COL27A1: variants seen among roughly 807,000 people sequenced by gnomAD.
COL27A1 encodes collagen type XXVII alpha 1 chain.
A neutral mutation model predicts 251.3 loss-of-function variants in COL27A1; 106 were observed. The ratio of observed to expected loss-of-function variants is 0.42; its 90% CI spans 0.36 to 0.50. The LOEUF (loss-of-function observed/expected upper bound fraction) is 0.50, where lower values mean the gene tolerates loss of function less well. Among genes scored for constraint, COL27A1 ranks in the 20% least tolerant of loss-of-function variants. COL27A1 has a pLI of 0.00. For synonymous variants in COL27A1, 1,000 were observed against 986.3 expected, an observed-to-expected ratio of 1.01 and a Z score of -0.26; for missense variants, 2,325 against 2,522.8, an observed-to-expected ratio of 0.92 and a Z score of 1.68.
At chr9:114,231,958 A>T in intron 16 of COL27A1, 92 bp downstream of exon 16, 2 of 1,167,976 alleles carry the variant, frequency 1.7e-6, no homozygotes, top group Non-Finnish European at 2.6e-6. Context: ...CGCCAGGTCC[A>T]CTCCCCTGCA....
At chr9:114,207,417 A>G (rs915916142) in intron 10 of COL27A1, among the ~76,000 whole-genome samples, 2 of 152,144 alleles carry the variant, frequency 1.3e-5, no homozygotes, top group African/African-American at 4.8e-5. Context: ...CCCATGGGCC[A>G]TTCCCCCAGA....
chr9:114,239,579 A>C (rs760484870), intron 19 of COL27A1, among the ~76,000 whole-genome samples: 3 of 152,176 alleles, frequency 2.0e-5, no homozygotes, highest in Non-Finnish European at 2.9e-5. Flanking sequence ...AAGGAGGAGC[A>C]CGAGGATATT....
chr9:114,274,028 G>C (rs895760481), intron 36 of COL27A1: 2 of 152,092 alleles, frequency 1.3e-5, no homozygotes, highest in African/African-American at 4.8e-5. Context: ...GATCATCTGA[G>C]GTCAGGAGTT....
At chr9:114,190,178 A>T (rs994559736) in intron 5 of COL27A1, among the ~76,000 whole-genome samples, 1 of 152,204 alleles carries the variant, frequency 6.6e-6, no homozygotes, top group Non-Finnish European at 1.5e-5. Context: ...GAAACATTTT[A>T]TGTTGACTTC....
At chr9:114,275,506 C>T (rs933656920) in intron 36 of COL27A1, among the ~76,000 whole-genome samples, 155 bp from the exon 37 acceptor site, 2 of 152,176 alleles carry the variant, frequency 1.3e-5, no homozygotes, top group Admixed American at 6.5e-5. Context: ...CGAGTCACAG[C>T]ACCCTGCCTT....
At chr9:114,201,035 G>A (rs952766652) in intron 7 of COL27A1, among the ~76,000 whole-genome samples, 2 of 152,230 alleles carry the variant, frequency 1.3e-5, no homozygotes, top group East Asian at 1.9e-4. Flanking sequence ...CCAGCCAGAC[G>A]GGGAGACGGT....
At chr9:114,192,856 A>G (rs1039589087) in intron 5 of COL27A1, among the ~76,000 whole-genome samples, 7 of 152,194 alleles carry the variant, frequency 4.6e-5, no homozygotes, top group Non-Finnish European at 7.3e-5. Context: ...GTGGAGGGTG[A>G]CCGAGTCAGG....
intron 2 of COL27A1, among the ~76,000 whole-genome samples, chr9:114,165,064 C>G (rs181065805): frequency 6.2e-4 from 95 of 152,288 alleles, no homozygotes; most frequent in African/African-American, 2.1e-3. Context: ...CAATGTGGGG[C>G]TTGGGTGAAG....
At chr9:114,172,221 C>A (rs2808779) in intron 3 of COL27A1, among the ~76,000 whole-genome samples, 1 of 152,036 alleles carries the variant, frequency 6.6e-6, no homozygotes, top group Non-Finnish European at 1.5e-5. Context: ...CATCTTTGAA[C>A]GGTGATGAAA....
At chr9:114,239,693 G>A (rs1281088734) in intron 19 of COL27A1, among the ~76,000 whole-genome samples, 1 of 152,204 alleles carries the variant, frequency 6.6e-6, no homozygotes, top group Admixed American at 6.5e-5. Flanking sequence ...CCCATGGGTG[G>A]AGTGGGGCAG....
chr9:114,290,150 G>GCCCCCCCCCCCCCCCCC lies in COL27A1; in HGVS notation c.4260+42_4260+43insCCCCCCCCCCCCCCCCC. ...GCTGCTGTTTCCAGCCAACCTCCCT[G>GCCCCCCCCCCCCCCCCC]CCCGCCCCCCACACCCGCCCTCCTC... On this transcript the variant is annotated intron_variant, in intron 46 of 60. Coordinates refer to ENST00000356083, the MANE Select transcript of COL27A1 (RefSeq NM_032888.4). This position sits in a 1 kb window ranked among gnomAD's most constrained non-coding sequence, Gnocchi z 4.6. The GCCCCCCCCCCCCCCCCC allele has an allele frequency of 6.3e-7, 1 of 1,593,512 alleles. No homozygotes were observed. Among genetic ancestry groups the GCCCCCCCCCCCCCCCCC allele is most frequent in the East Asian group, 2.3e-5 (1 of 44,424 alleles).
At chr9:114,289,343 G>A (rs1478789103) in intron 45 of COL27A1, 48 bp downstream of exon 45, 20 of 1,518,552 alleles carry the variant, frequency 1.3e-5, no homozygotes, top group Non-Finnish European at 1.6e-5. Flanking sequence ...CAGGAAGGGG[G>A]AAGCCTGACC....
intron 13 of COL27A1, among the ~76,000 whole-genome samples, chr9:114,220,067 G>A (rs1331681214): frequency 6.6e-6 from 1 of 152,156 alleles, no homozygotes; most frequent in Admixed American, 6.5e-5. Context: ...AGCCCACTGA[G>A]CCCCTGGGTC....
chr9:114,176,706 C>T lies in COL27A1; in HGVS notation c.1909-1585C>T, dbSNP rs564144381. Among the ~76,000 whole-genome samples, 21 of 152,322 alleles carry T rather than the reference C, an allele frequency of 1.4e-4. No individual in the cohort carries two copies. In the South Asian group the frequency reaches 2.7e-3, roughly 20 times the overall value. The stretch of plus-strand genomic sequence containing the variant: ...CCTGGAACTCTGCCGCCAATTTGGC[C>T]AGAGGTCTCTGGATGCTCAGAGGTA... On this transcript the variant is annotated intron_variant, in intron 3 of 60. Transcript: ENST00000356083.
rs763342715 is a variant in COL27A1, at chr9:114,309,278, C to T, written c.5236C>T (p.Arg1746Trp). 49 of 1,614,022 alleles carry T rather than the reference C, an allele frequency of 3.0e-5. No homozygotes were observed. Among genetic ancestry groups the T allele is most frequent in the South Asian group, 5.5e-5 (5 of 91,086 alleles). ...TCTATAGGTCGAGTTTGCCATCAGC[C>T]GGGTCCAGATGAATTTCCTGCACCT... ...TASKVEFAIS[R>W]VQMNFLHLLS... The change falls in exon 60 of 61, where the codon CGG (arginine) becomes TGG (tryptophan). Residue 1746 changes from arginine (R) to tryptophan (W), a missense_variant. Physicochemically the swap from Arg to Trp is moderately radical, Grantham distance 101. Coordinates refer to ENST00000356083, the MANE Select transcript of COL27A1 (RefSeq NM_032888.4).
At chr9:114,228,817 T>C (rs1048838358) in intron 14 of COL27A1, among the ~76,000 whole-genome samples, 2 of 152,192 alleles carry the variant, frequency 1.3e-5, no homozygotes, top group African/African-American at 4.8e-5. Flanking sequence ...AAGCAGAATT[T>C]CTTTCTCTCT....
At position 114,237,001 on chromosome 9, in the gene COL27A1, GT is replaced by G. The variant is rs993156620; in HGVS notation, c.2642del (p.Phe881SerfsTer46). The stretch of plus-strand genomic sequence containing the variant: ...TCCAGGGGAGCCAGGGGTTGCCAGG[GT>G]TCCCCGGTGCACGGGGGAAGCCAGG... Reference protein sequence around the residue: ...GDKGSQGLPGFPGARGKPGPL... With the variant: ...GDKGSQGLPGXPGARGKPGPL... On this transcript the variant is annotated frameshift_variant, in exon 18 of 61. Coordinates refer to ENST00000356083, the MANE Select transcript of COL27A1 (RefSeq NM_032888.4). LOFTEE classifies it high-confidence loss of function. The G allele has an allele frequency of 6.2e-7, 1 of 1,612,394 alleles. No homozygotes were observed. The highest frequency in any genetic ancestry group is 1.3e-5 in the African/African-American group (1 of 74,866).
At chr9:114,265,341 A>C in intron 31 of COL27A1, 81 bp from the exon 32 acceptor site, 2 of 1,457,400 alleles carry the variant, frequency 1.4e-6, no homozygotes, top group Non-Finnish European at 1.9e-6. Flanking sequence ...ACCCAAATAC[A>C]CTAGGATGGC....
intron 44 of COL27A1, 121 bp downstream of exon 44, chr9:114,289,088 G>T: frequency 1.4e-6 from 2 of 1,405,052 alleles, no homozygotes; most frequent in Non-Finnish European, 9.8e-7. Context: ...GTCTGGGGCA[G>T]CCATTTCTGT....
Sources: allele counts gnomAD v4.1 joint callset (sites outside exome capture counted in the v4.1 genomes callset), GRCh38; gene constraint gnomAD v4.1.1; non-coding constraint Gnocchi (gnomAD v3.1); transcripts MANE v1.5; gene names NCBI Gene and HGNC (gene_info 2026-07-23, HGNC 2026-07-21).